The following SPAG16 variants were observed in gnomAD, a reference collection of about 807,000 sequenced individuals.
SPAG16 encodes the protein sperm-associated antigen 16 protein.
A neutral mutation model predicts 80.4 loss-of-function variants in SPAG16; 86 were observed. That is an observed-to-expected ratio of 1.07 (90% CI 0.90 to 1.28). The LOEUF (loss-of-function observed/expected upper bound fraction) is 1.28. SPAG16 is among the 50% of genes most tolerant of loss of function. SPAG16 has a pLI of 0.00. For missense variants in SPAG16, 870 were observed against 765.3 expected, an observed-to-expected ratio of 1.14 and a Z score of -1.61; for synonymous variants, 294 against 265.9, an observed-to-expected ratio of 1.11 and a Z score of -1.03.
intron 9 of SPAG16, among the ~76,000 whole-genome samples, chr2:213,391,665 G>T (rs1354092932): frequency 6.6e-6 from 1 of 152,108 alleles, no homozygotes; most frequent in Non-Finnish European, 1.5e-5. Context: ...GATAGAAAAG[G>T]TTATTTACTA....
chr2:213,298,235 G>A (rs760556814), intron 3 of SPAG16, among the ~76,000 whole-genome samples: 6 of 152,166 alleles, frequency 3.9e-5, no homozygotes, highest in Non-Finnish European at 5.9e-5. Flanking sequence ...ATGGAGGGCT[G>A]CAGCTCATAG....
At chr2:213,402,481 T>G (rs1230536813) in intron 9 of SPAG16, among the ~76,000 whole-genome samples, 3 of 152,100 alleles carry the variant, frequency 2.0e-5, no homozygotes, top group African/African-American at 7.2e-5. Context: ...AACGTGCAGG[T>G]TTGTTACATA....
In SPAG16 at chr2:213,792,486, A is replaced by C. The variant is rs1290953402; in HGVS notation, c.1071-69999A>C. 2.0e-5 allele frequency among the ~76,000 whole-genome samples: 3 copies of C among 152,050 alleles called. No homozygotes were observed. In the East Asian group the frequency reaches 5.8e-4, roughly 29 times the overall value. Reference sequence around the variant, plus strand: ...TCCCCAGTCTGAAATGACTATTGTAAACATGTTCTCCTCTCACTTCTCTTA... The same window carrying C: ...TCCCCAGTCTGAAATGACTATTGTACACATGTTCTCCTCTCACTTCTCTTA... On this transcript the variant is annotated intron_variant, in intron 10 of 15. Coordinates refer to ENST00000331683, the MANE Select transcript of SPAG16 (RefSeq NM_024532.5).
chr2:213,373,978 G>A (rs2125195904), intron 8 of SPAG16, among the ~76,000 whole-genome samples: 1 of 152,246 alleles, frequency 6.6e-6, no homozygotes, highest in Admixed American at 6.5e-5. Context: ...TGTAATTGTT[G>A]CCTTTCCTCT....
chr2:213,430,433 C>A (rs886970094), intron 9 of SPAG16, among the ~76,000 whole-genome samples: 1 of 152,154 alleles, frequency 6.6e-6, no homozygotes, highest in Non-Finnish European at 1.5e-5. Context: ...AACACAAATT[C>A]GTAAACTTTC....
rs1559506049 is a variant in SPAG16 at position 213,833,494 on chromosome 2, A to ATATATAATAT, written c.1071-28991_1071-28990insTATATAATAT. The stretch of plus-strand genomic sequence containing the variant: ...ATATAATAATATATATATTATATAT[A>ATATATAATAT]ATATATATATTATATATAATATATA... On this transcript the variant is annotated intron_variant, in intron 10 of 15. Transcript: ENST00000331683. Among the ~76,000 whole-genome samples the ATATATAATAT allele has an allele frequency of 1.4e-3, 2 of 1,446 alleles. 1 individual carries two copies. The highest frequency in any genetic ancestry group is 7.5e-3 in the Non-Finnish European group (2 of 266). The allele number at this position is 1,446 out of a possible 152,430, so 0.9% of individuals were successfully genotyped here.
intron 9 of SPAG16, among the ~76,000 whole-genome samples, chr2:213,441,996 TA>T (rs1276815973): frequency 2.0e-5 from 3 of 152,070 alleles, no homozygotes; most frequent in African/African-American, 7.2e-5. Flanking sequence ...AAAATATTTT[TA>T]AAAAGTTAGC....
At chr2:213,510,306 T>A (rs899502987) in intron 10 of SPAG16, among the ~76,000 whole-genome samples, 3 of 152,188 alleles carry the variant, frequency 2.0e-5, no homozygotes, top group Admixed American at 6.5e-5. Context: ...TTGGTATGAT[T>A]TTAATATAAG....
chr2:213,846,849 G>A (rs542181713), intron 10 of SPAG16, among the ~76,000 whole-genome samples: 1 of 152,236 alleles, frequency 6.6e-6, no homozygotes, highest in South Asian at 2.1e-4. Context: ...AGGCTCAATG[G>A]CTTCTGCTGC....
At chr2:213,860,465 A>C (rs1157200754) in intron 10 of SPAG16, among the ~76,000 whole-genome samples, 13 of 122,356 alleles carry the variant, frequency 1.1e-4, no homozygotes, top group African/African-American at 3.0e-4. Flanking sequence ...ATATACAGAT[A>C]TATCTATCTA....
intron 10 of SPAG16, 89 bp downstream of exon 10, chr2:213,490,179 G>C: frequency 7.7e-7 from 1 of 1,305,784 alleles, no homozygotes; most frequent in Non-Finnish European, 1.0e-6. Flanking sequence ...TGGTTGAAAT[G>C]GTTTGCTTTT....
chr2:214,204,095 G>A (rs2058081632), intron 15 of SPAG16, among the ~76,000 whole-genome samples: 1 of 152,078 alleles, frequency 6.6e-6, no homozygotes, highest in Non-Finnish European at 1.5e-5. Context: ...ATGCATCAGA[G>A]GCAGCCATAA....
chr2:213,454,343 A>G (rs978150290), intron 9 of SPAG16, among the ~76,000 whole-genome samples: 3 of 152,134 alleles, frequency 2.0e-5, no homozygotes, highest in Non-Finnish European at 4.4e-5. Flanking sequence ...TTAAAATATT[A>G]TTTATTTCCT....
intron 13 of SPAG16, among the ~76,000 whole-genome samples, chr2:214,101,767 G>A (rs567096796): frequency 6.6e-6 from 1 of 152,262 alleles, no homozygotes; most frequent in South Asian, 2.1e-4. Context: ...TCTCTAGAAT[G>A]TGAATTACAA....
chr2:214,323,507 G>A (rs967271165), intron 15 of SPAG16, among the ~76,000 whole-genome samples: 2 of 152,124 alleles, frequency 1.3e-5, no homozygotes, highest in African/African-American at 4.8e-5. Flanking sequence ...TTAAACTGCT[G>A]TTGTTTGACT....
chr2:213,848,730 G>A (rs555464749), intron 10 of SPAG16, among the ~76,000 whole-genome samples: 1 of 152,114 alleles, frequency 6.6e-6, no homozygotes, highest in East Asian at 1.9e-4. Context: ...CCATCTAATG[G>A]AAACTGATGC....
intron 15 of SPAG16, among the ~76,000 whole-genome samples, chr2:214,233,037 ATTCT>A (rs1688808759): frequency 6.6e-6 from 1 of 152,090 alleles, no homozygotes; most frequent in African/African-American, 2.4e-5. Flanking sequence ...ATATCCTATG[ATTCT>A]TTTTTATAAA....
In SPAG16 at chr2:214,149,193, T is replaced by C. The variant is rs750643999; in HGVS notation, c.1647T>C (p.Phe549=). 21 of 1,598,558 alleles carry C rather than the reference T, an allele frequency of 1.3e-5. No homozygotes were observed. In the East Asian group the frequency reaches 4.8e-4, roughly 37 times the overall value. The change falls in exon 15 of 16, where the codon TTT becomes TTC. Residue 549 remains phenylalanine (F), a synonymous_variant. Coordinates refer to ENST00000331683, the MANE Select transcript of SPAG16 (RefSeq NM_024532.5). ...GTGGGGTTACAAAGCTGTGGGACTT[T>C]CGGAAGCTGTTACCAATTGTGTCCA... ...DACGVTKLWD[F]RKLLPIVSID...
chr2:213,439,120 T>A (rs777912826), intron 9 of SPAG16, among the ~76,000 whole-genome samples: 21 of 152,334 alleles, frequency 1.4e-4, no homozygotes, highest in Non-Finnish European at 2.9e-4. Context: ...GAATAGAGAA[T>A]CCAGTCAATT....
Sources: gnomAD v4.1 joint callset for allele counts (sites outside exome capture counted in the v4.1 genomes callset) on GRCh38, gnomAD v4.1.1 for gene constraint, MANE v1.5 for transcripts, NCBI Gene and HGNC (gene_info 2026-07-23, HGNC 2026-07-21) for gene names.